AGBL4: variants seen among roughly 807,000 people sequenced by gnomAD.
The protein encoded by AGBL4 is AGBL carboxypeptidase 4.
Under a neutral mutation model 66.4 loss-of-function variants are expected in AGBL4, and 58 were observed. The ratio of observed to expected loss-of-function variants is 0.87; its 90% CI spans 0.71 to 1.09. The LOEUF is 1.09. Ranked by LOEUF, AGBL4 falls within the 50% of genes least tolerant of loss-of-function variation. AGBL4 has a pLI of 0.00. For missense variants in AGBL4, 579 were observed against 631.0 expected, an observed-to-expected ratio of 0.92 and a Z score of 0.88; for synonymous variants, 234 against 222.9, an observed-to-expected ratio of 1.05 and a Z score of -0.44.
chr1:49,142,289 T>C (rs1436559264), intron 4 of AGBL4, among the ~76,000 whole-genome samples: 1 of 152,072 alleles, frequency 6.6e-6, no homozygotes, highest in Non-Finnish European at 1.5e-5. Flanking sequence ...TCTTGAAATA[T>C]CCCACCTGTA....
intron 1 of AGBL4, among the ~76,000 whole-genome samples, chr1:49,912,678 T>G (rs1162497497): frequency 6.6e-6 from 1 of 152,188 alleles, no homozygotes; most frequent in East Asian, 1.9e-4. Flanking sequence ...AACAGTTTGC[T>G]AAATGTCTTA....
chr1:49,645,038 G>A (rs1645857623), intron 3 of AGBL4, among the ~76,000 whole-genome samples: 1 of 151,406 alleles, frequency 6.6e-6, no homozygotes, highest in Admixed American at 6.6e-5. Flanking sequence ...GACCCATAGG[G>A]CAAAGAATAA....
intron 6 of AGBL4, among the ~76,000 whole-genome samples, chr1:48,821,431 T>C (rs1646310815): frequency 6.6e-6 from 1 of 152,198 alleles, no homozygotes; most frequent in Non-Finnish European, 1.5e-5. Context: ...AATGAAATCA[T>C]GTCCTTTGCA....
At chr1:49,300,163 G>C (rs769026942) in intron 3 of AGBL4, among the ~76,000 whole-genome samples, 2 of 151,982 alleles carry the variant, frequency 1.3e-5, no homozygotes, top group East Asian at 1.9e-4. Flanking sequence ...TGGCAATTTT[G>C]TTCTTCCCCA....
At chr1:49,256,371 A>G (rs1024173643) in intron 3 of AGBL4, among the ~76,000 whole-genome samples, 2 of 152,190 alleles carry the variant, frequency 1.3e-5, no homozygotes, top group African/African-American at 4.8e-5. Context: ...ATACTTAAAA[A>G]TCAATTGTAT....
In AGBL4 at chr1:49,619,939, C is replaced by T. The variant is rs562880311; in HGVS notation, c.282+77374G>A. Among the ~76,000 whole-genome samples the T allele has an allele frequency of 7.2e-5, 11 of 152,206 alleles. No homozygotes were observed. The East Asian group carries it at 7.7e-4, about 11-fold the overall frequency. On this transcript the variant is annotated intron_variant, in intron 3 of 13. Transcript: ENST00000371839. ...CCACATGCAGAAAACTGAAACTGGACCCCTTCCCTACATCTTATACAAAAA... is the reference window on the plus strand; with the variant it reads ...CCACATGCAGAAAACTGAAACTGGATCCCTTCCCTACATCTTATACAAAAA...
At chr1:49,260,294 A>C (rs1439640521) in intron 3 of AGBL4, among the ~76,000 whole-genome samples, 11 of 151,178 alleles carry the variant, frequency 7.3e-5, no homozygotes, top group Non-Finnish European at 1.5e-4. Context: ...AGAAGGCAAG[A>C]AATAACTAAA....
intron 11 of AGBL4, among the ~76,000 whole-genome samples, chr1:48,564,992 G>A (rs1644453763): frequency 6.6e-6 from 1 of 152,192 alleles, no homozygotes; most frequent in African/African-American, 2.4e-5. Context: ...TTCACAGTCT[G>A]TGCTGTCTCC....
intron 3 of AGBL4, among the ~76,000 whole-genome samples, chr1:49,487,426 G>A (rs1647091894): frequency 6.6e-6 from 1 of 151,912 alleles, no homozygotes; most frequent in Non-Finnish European, 1.5e-5. Context: ...AACAGGAACA[G>A]GTGGAGGTAA....
At chr1:48,659,006 C>A (rs1646064747) in intron 7 of AGBL4, among the ~76,000 whole-genome samples, 1 of 152,166 alleles carries the variant, frequency 6.6e-6, no homozygotes, top group African/African-American at 2.4e-5. Context: ...AGGGCTCAGG[C>A]TGGGAGGCAG....
At chr1:49,105,353 T>A (rs977253169) in intron 4 of AGBL4, among the ~76,000 whole-genome samples, 3 of 152,170 alleles carry the variant, frequency 2.0e-5, no homozygotes, top group African/African-American at 4.8e-5. Flanking sequence ...TCTGAGAGCC[T>A]GTAGGATCAT....
chr1:49,486,504 G>A (rs1038722796), intron 3 of AGBL4, among the ~76,000 whole-genome samples: 9 of 151,994 alleles, frequency 5.9e-5, no homozygotes, highest in Admixed American at 3.3e-4. Flanking sequence ...GGCATGTTCC[G>A]TATAAGACCT....
chr1:49,063,391 G>C (rs1644436657), intron 4 of AGBL4, among the ~76,000 whole-genome samples: 1 of 152,150 alleles, frequency 6.6e-6, no homozygotes, highest in Non-Finnish European at 1.5e-5. Context: ...AAAGAGGTCG[G>C]GGGTTTAGGC....
In AGBL4 at chr1:50,011,586, G is replaced by A. The variant is rs534268337; in HGVS notation, c.34+12177C>T. Among the ~76,000 whole-genome samples, 32 of 152,292 alleles carry A rather than the reference G, an allele frequency of 2.1e-4. No homozygotes were observed. In the South Asian group the frequency reaches 5.6e-3, roughly 27 times the overall value. On this transcript the variant is annotated intron_variant, in intron 1 of 13. Transcript: ENST00000371839. The stretch of plus-strand genomic sequence containing the variant: ...ATTGAGGAAATATCTGCACTCCAAT[G>A]TTTGTTGCAGGATTGTTTACAATAG...
In AGBL4 at chr1:49,129,286, G is replaced by GT. The variant is rs769440870; in HGVS notation, c.378-83487dup. Among the ~76,000 whole-genome samples, 260 of 113,474 alleles carry GT rather than the reference G, an allele frequency of 2.3e-3. 2 individuals carry two copies. The highest frequency in any genetic ancestry group is 0.014 in the East Asian group (69 of 5,014). The allele number at this position is 113,474 out of a possible 152,430, so 74.4% of individuals were successfully genotyped here. On this transcript the variant is annotated intron_variant, in intron 4 of 13. Transcript: ENST00000371839. ...AAAGAATGTACTAATGACTGTTTTT[G>GT]TTTTTTTTGTTGTTGTTGTTGTTTT...
chr1:49,323,247 G>C (rs775237067), intron 3 of AGBL4, among the ~76,000 whole-genome samples: 4 of 151,976 alleles, frequency 2.6e-5, no homozygotes, highest in Non-Finnish European at 5.9e-5. Flanking sequence ...CTATGTTCTA[G>C]AGTACCTACA....
intron 6 of AGBL4, among the ~76,000 whole-genome samples, chr1:48,790,380 A>T (rs55952018): frequency 6.6e-6 from 1 of 151,626 alleles, no homozygotes; most frequent in South Asian, 2.1e-4. Context: ...AGGGGGAAAA[A>T]ATCTTTTCCT....
chr1:49,724,406 C>T (rs925696087), intron 2 of AGBL4, among the ~76,000 whole-genome samples: 1 of 152,090 alleles, frequency 6.6e-6, no homozygotes, highest in Non-Finnish European at 1.5e-5. Context: ...GCTATAACAG[C>T]AAACATGACA....
chr1:49,165,925 A>G (rs1646626094), intron 4 of AGBL4, among the ~76,000 whole-genome samples: 1 of 152,028 alleles, frequency 6.6e-6, no homozygotes, highest in African/African-American at 2.4e-5. Context: ...ATGATTATGT[A>G]ACCAACCATG....
Sources: gnomAD v4.1 joint callset for allele counts (sites outside exome capture counted in the v4.1 genomes callset) on GRCh38, gnomAD v4.1.1 for gene constraint, MANE v1.5 for transcripts, NCBI Gene and HGNC (gene_info 2026-07-23, HGNC 2026-07-21) for gene names.